The following CPSF7 variants were observed in gnomAD, a reference collection of about 807,000 sequenced individuals.
CPSF7 encodes the protein cleavage and polyadenylation specificity factor subunit 7.
CPSF7 carries 1 observed loss-of-function variant against 44.3 expected under a neutral mutation model. That is an observed-to-expected ratio of 0.02 (90% CI 0.01 to 0.11). CPSF7 has a LOEUF of 0.11. CPSF7 is among the 10% of genes least tolerant of loss of function. CPSF7 has a pLI of 1.00. For synonymous variants in CPSF7, 202 were observed against 222.0 expected (o/e 0.91, Z 0.80); for missense variants, 443 against 607.2 (o/e 0.73, Z 2.84).
In CPSF7 at chr11:61,415,761, G is replaced by C. The variant is rs1401332157; in HGVS notation, c.962C>G (p.Ser321Cys). The stretch of plus-strand genomic sequence containing the variant: ...TTCAAATTCGGCTTCACTCACTGTA[G>C]AGGGTGGAGGGCCCGAATCTCGGCT... The part of the protein sequence containing the change: ...HGSRDSGPPP[S>C]TVSEAEFEDI... The change falls in exon 7 of 10, where the codon TCT becomes TGT. Residue 321 changes from serine to cysteine, a missense_variant. Transcript: ENST00000439958. 6.2e-7 allele frequency: 1 copy of C among 1,613,686 alleles called. No individual in the cohort carries two copies. Among genetic ancestry groups the C allele is most frequent in the South Asian group, 1.1e-5 (1 of 91,068 alleles).
At position 61,419,969 on chromosome 11, in the gene CPSF7, A is replaced by C; in HGVS notation, c.503T>G (p.Phe168Cys). Residue 168 changes from phenylalanine (F) to cysteine (C), a missense_variant, in exon 5 of 10, where the codon TTT becomes TGT. Physicochemically the swap from Phe to Cys is radical, Grantham distance 205. Transcript: ENST00000439958. Reference sequence around the variant, plus strand: ...CTCACGTTTCCGAGCCTGTGCCTCAAACTGTGACAGGTTCTGCCGGGTGGC... The same window carrying C: ...CTCACGTTTCCGAGCCTGTGCCTCACACTGTGACAGGTTCTGCCGGGTGGC... ...RPATRQNLSQFEAQARKRIPP... is the reference protein window; with the variant it reads ...RPATRQNLSQCEAQARKRIPP... 6.2e-7 allele frequency: 1 copy of C among 1,613,872 alleles called. No individual in the cohort carries two copies. The highest frequency in any genetic ancestry group is 8.5e-7 in the Non-Finnish European group (1 of 1,179,928).
rs140443274 is a variant in CPSF7, at chr11:61,424,625, G to A, written c.55-3017C>T. Among the ~76,000 whole-genome samples the A allele has an allele frequency of 3.4e-3, 522 of 152,246 alleles. 1 individual carries two copies. The highest frequency in any genetic ancestry group is 0.012 in the African/African-American group (498 of 41,566). ...GCACCACCACACCCAGCTAATTTTT[G>A]TATTTTTAGTAGAGATGGGGTTTCA... On this transcript the variant is annotated intron_variant, in intron 2 of 9. Coordinates refer to ENST00000439958, the MANE Select transcript of CPSF7 (RefSeq NM_001142565.3).
chr11:61,428,335 A>G (rs1454700831), intron 2 of CPSF7, among the ~76,000 whole-genome samples: 2 of 151,786 alleles, frequency 1.3e-5, no homozygotes, highest in Admixed American at 6.6e-5. Flanking sequence ...GGCACAAGCC[A>G]CCATATCTCG....
chr11:61,429,713 C>G (rs1247356818), intron 1 of CPSF7: 2 of 1,534,170 alleles, frequency 1.3e-6, no homozygotes, highest in Non-Finnish European at 1.8e-6. Context: ...CCCAGGCCTA[C>G]TCTTCGCCCC....
At chr11:61,418,697 G>A (rs1380518910) in intron 5 of CPSF7, among the ~76,000 whole-genome samples, 1 of 151,752 alleles carries the variant, frequency 6.6e-6, no homozygotes, top group African/African-American at 2.4e-5. Context: ...CTCAAACTAA[G>A]GTAGTTCTGA....
chr11:61,415,229 C>A (rs2078383622), intron 7 of CPSF7, among the ~76,000 whole-genome samples: 1 of 152,116 alleles, frequency 6.6e-6, no homozygotes. Context: ...CAGGGCAAGA[C>A]TCCCTCTCAA....
intron 3 of CPSF7, chr11:61,420,808 TTGAC>T: frequency 1.8e-6 from 1 of 567,658 alleles, no homozygotes; most frequent in African/African-American, 1.9e-5. Flanking sequence ...TATTGTAACT[TTGAC>T]TGCCGTTTGG....
rs1272070461 is a variant in CPSF7 at position 61,415,790 on chromosome 11, C to A, written c.939-6G>T. The A allele has an allele frequency of 1.9e-6, 3 of 1,564,922 alleles. No homozygotes were observed. Among genetic ancestry groups the A allele is most frequent in the Admixed American group, 1.7e-5 (1 of 59,892 alleles). On this transcript the variant is annotated splice_region_variant and splice_polypyrimidine_tract_variant and intron_variant, in intron 6 of 9. Transcript: ENST00000439958. ...GTGGAGGGCCCGAATCTCGGCTGTACAGAGAAAATACCATCCTTGATTGCT... is the reference window on the plus strand; with the variant it reads ...GTGGAGGGCCCGAATCTCGGCTGTAAAGAGAAAATACCATCCTTGATTGCT...
rs1861808292 is a variant in CPSF7, at chr11:61,429,941, T to A, written c.-83A>T. The A allele has an allele frequency of 7.1e-7, 1 of 1,413,388 alleles. No individual in the cohort carries two copies. Among genetic ancestry groups the A allele is most frequent in the South Asian group, 1.3e-5 (1 of 74,638 alleles). 87.6% of individuals were successfully genotyped at this position (1,413,388 alleles called of 1,614,324 possible). On this transcript the variant is annotated 5_prime_UTR_variant, in exon 1 of 10. Transcript: ENST00000439958. Reference sequence around the variant, plus strand: ...GGAATATGGCGGCGGCGGCGGCGAGTCCGGACTAGGCCCGAAGCGCGCGAA... The same window carrying A: ...GGAATATGGCGGCGGCGGCGGCGAGACCGGACTAGGCCCGAAGCGCGCGAA...
Position 61,411,033 on chromosome 11 carries a change from A to G in CPSF7, c.1299T>C (p.Leu433=), listed in dbSNP as rs1223445513. The part of the protein sequence containing the change: ...RESSRRHRDL[L]HNEDRHDDYF... ...AATCATCATGCCGATCTTCATTATG[A>G]AGCAGATCCCGGTGCCTCCTGCTGC... Residue 433 remains leucine, a synonymous_variant, in exon 9 of 10, where the codon CTT becomes CTC. Transcript: ENST00000439958. The G allele has an allele frequency of 6.2e-7, 1 of 1,613,612 alleles. No homozygotes were observed. Among genetic ancestry groups the G allele is most frequent in the Non-Finnish European group, 8.5e-7 (1 of 1,179,914 alleles).
chr11:61,413,240 T>C (rs1038258724), intron 7 of CPSF7, among the ~76,000 whole-genome samples: 2 of 152,170 alleles, frequency 1.3e-5, no homozygotes, highest in African/African-American at 4.8e-5. Context: ...TTCTAAATAA[T>C]GTGTATTTCT....
intron 9 of CPSF7, among the ~76,000 whole-genome samples, chr11:61,407,891 G>A (rs1462194148): frequency 6.6e-6 from 1 of 152,060 alleles, no homozygotes; most frequent in Non-Finnish European, 1.5e-5. Flanking sequence ...TTACATTCCA[G>A]CTACTGCTCA....
At chr11:61,422,480 A>G (rs1230061818) in intron 2 of CPSF7, among the ~76,000 whole-genome samples, 1 of 151,966 alleles carries the variant, frequency 6.6e-6, no homozygotes, top group African/African-American at 2.4e-5. Context: ...ATGCCCAGCT[A>G]ATTTTCAAAT....
chr11:61,410,854 T>C (rs1859785428), intron 9 of CPSF7, 84 bp downstream of exon 9: 2 of 1,385,570 alleles, frequency 1.4e-6, no homozygotes, highest in South Asian at 3.0e-5. Flanking sequence ...CATTTACTTT[T>C]GCTTTAAAGA....
At chr11:61,425,630 G>A (rs1046235276) in intron 2 of CPSF7, among the ~76,000 whole-genome samples, 1 of 152,156 alleles carries the variant, frequency 6.6e-6, no homozygotes, top group African/African-American at 2.4e-5. Flanking sequence ...CCCACTGAGG[G>A]AAGTAACTAG....
intron 5 of CPSF7, 59 bp downstream of exon 5, chr11:61,419,890 A>T: frequency 1.3e-6 from 2 of 1,531,792 alleles, no homozygotes; most frequent in Non-Finnish European, 8.8e-7. Context: ...ACCCACAAAC[A>T]CCCCCCCCTC....
intron 1 of CPSF7, 86 bp from the exon 2 acceptor site, chr11:61,429,376 CAGAG>C: frequency 3.8e-6 from 3 of 782,956 alleles, no homozygotes; most frequent in Non-Finnish European, 6.6e-6. Flanking sequence ...CTCCCATCTC[CAGAG>C]ACGCAGCATC....
At chr11:61,420,284 T>C (rs1860744066) in intron 4 of CPSF7, among the ~76,000 whole-genome samples, 186 bp downstream of exon 4, 1 of 152,208 alleles carries the variant, frequency 6.6e-6, no homozygotes, top group Non-Finnish European at 1.5e-5. Flanking sequence ...TCAGTATTCT[T>C]CGCCCCTTAA....
chr11:61,427,527 C>A (rs1257104828), intron 2 of CPSF7, among the ~76,000 whole-genome samples: 2 of 151,846 alleles, frequency 1.3e-5, no homozygotes, highest in Admixed American at 1.3e-4. Flanking sequence ...GTGACCCACG[C>A]CTGTAGTCCC....
Sources: gnomAD v4.1 joint callset for allele counts (sites outside exome capture counted in the v4.1 genomes callset) on GRCh38, gnomAD v4.1.1 for gene constraint, MANE v1.5 for transcripts, NCBI Gene and HGNC (gene_info 2026-07-23, HGNC 2026-07-21) for gene names.